Variants in CNBD1 observed in about 807,000 individuals in gnomAD.
CNBD1 encodes the protein cyclic nucleotide binding domain containing 1, also known as cyclic nucleotide-binding domain-containing protein 1.
Under a neutral mutation model 54.4 loss-of-function variants are expected in CNBD1, and 71 were observed. That is an observed-to-expected ratio of 1.30 (90% confidence interval 1.08 to 1.59). CNBD1 has a LOEUF of 1.59. Among genes scored for constraint, CNBD1 ranks in the 40% most tolerant of loss-of-function variants. The pLI is 0.00. For missense variants in CNBD1, 659 were observed against 518.0 expected, an observed-to-expected ratio of 1.27 and a Z score of -2.64; for synonymous variants, 182 against 170.7, an observed-to-expected ratio of 1.07 and a Z score of -0.51.
intron 4 of CNBD1, among the ~76,000 whole-genome samples, chr8:87,081,181 A>G (rs969610942): frequency 1.3e-5 from 2 of 151,686 alleles, no homozygotes; most frequent in African/African-American, 4.8e-5. Flanking sequence ...GCTTCATCCT[A>G]TTGTTTTTGA....
intron 1 of CNBD1, among the ~76,000 whole-genome samples, chr8:86,872,987 T>C (rs1808461856): frequency 2.0e-5 from 3 of 152,132 alleles, no homozygotes; most frequent in African/African-American, 7.2e-5. Context: ...GGCAGGAGGA[T>C]CGCTTGAGCC....
In CNBD1 at chr8:87,237,016, C is replaced by T. The variant is rs767341880; in HGVS notation, c.675C>T (p.Asp225=). 4 of 1,611,894 alleles carry T rather than the reference C, an allele frequency of 2.5e-6. No individual in the cohort carries two copies. The highest frequency in any genetic ancestry group is 3.4e-6 in the Non-Finnish European group (4 of 1,178,334). Residue 225 remains aspartate (D), a synonymous_variant, in exon 6 of 11, where the codon GAC becomes GAT. Transcript: ENST00000518476. ...TGATTGAAGGAAGTGATTCACCAGA[C>T]TCGTTCATATCTCAGAGTTTCCACA... is the stretch of plus-strand genomic sequence containing the variant. The part of the protein sequence containing the change: ...KNLIEGSDSP[D]SFISQSFHSF...
At chr8:87,087,813 C>T in intron 4 of CNBD1, among the ~76,000 whole-genome samples, 1 of 152,086 alleles carries the variant, frequency 6.6e-6, no homozygotes, top group South Asian at 2.1e-4. Flanking sequence ...TTGGAATTAC[C>T]TGAGAGATCA....
At chr8:86,883,199 T>G (rs1808630153) in intron 1 of CNBD1, among the ~76,000 whole-genome samples, 2 of 151,804 alleles carry the variant, frequency 1.3e-5, no homozygotes, top group South Asian at 4.2e-4. Context: ...AAAAAATAGA[T>G]TGGTGACAAA....
At chr8:87,298,343 G>A (rs923417400) in intron 8 of CNBD1, among the ~76,000 whole-genome samples, 1 of 152,022 alleles carries the variant, frequency 6.6e-6, no homozygotes, top group Non-Finnish European at 1.5e-5. Flanking sequence ...CCAGGGCAAA[G>A]CGCGATGGAA....
At chr8:87,081,650 C>T (rs1017260846) in intron 4 of CNBD1, among the ~76,000 whole-genome samples, 11 of 151,554 alleles carry the variant, frequency 7.3e-5, no homozygotes, top group Admixed American at 1.3e-4. Flanking sequence ...GGATAACAGG[C>T]GCGCCACCAC....
chr8:87,005,965 C>A (rs185508219), intron 4 of CNBD1, among the ~76,000 whole-genome samples: 68 of 152,208 alleles, frequency 4.5e-4, no homozygotes, highest in Admixed American at 1.0e-3. Flanking sequence ...ATTTGTATCT[C>A]AGGGGGCAGA....
chr8:87,069,184 T>C (rs1231609774), intron 4 of CNBD1, among the ~76,000 whole-genome samples: 1 of 152,080 alleles, frequency 6.6e-6, no homozygotes, highest in Non-Finnish European at 1.5e-5. Context: ...TTTGGTATTA[T>C]TTCATCATTT....
chr8:87,280,721 T>C (rs1475188944), intron 6 of CNBD1, among the ~76,000 whole-genome samples: 1 of 151,558 alleles, frequency 6.6e-6, no homozygotes, highest in East Asian at 1.9e-4. Context: ...CTCAACATTA[T>C]GACTTTATTC....
Position 86,930,043 on chromosome 8 carries a change from T to C in CNBD1, c.273-9553T>C, listed in dbSNP as rs1196651522. Among the ~76,000 whole-genome samples the C allele has an allele frequency of 3.9e-5, 6 of 152,272 alleles. No homozygotes were observed. The East Asian group carries it at 9.7e-4, about 25-fold the overall frequency. On this transcript the variant is annotated intron_variant, in intron 3 of 10. Coordinates refer to ENST00000518476, the MANE Select transcript of CNBD1 (RefSeq NM_173538.3). ...TTTAAGGTTTTGAAGGCTGTTTCCA[T>C]CTCTGGTTCCCATTCTCCTAGATGA... is the stretch of plus-strand genomic sequence containing the variant.
intron 4 of CNBD1, among the ~76,000 whole-genome samples, chr8:87,098,808 C>T (rs948348535): frequency 2.7e-5 from 4 of 150,392 alleles, no homozygotes; most frequent in Admixed American, 6.6e-5. Context: ...GAGGCCGAGG[C>T]GGGTGGATCA....
At chr8:87,320,663 A>AAT (rs914605749) in intron 8 of CNBD1, among the ~76,000 whole-genome samples, 2 of 152,004 alleles carry the variant, frequency 1.3e-5, no homozygotes, top group Non-Finnish European at 2.9e-5. Context: ...AGTCACAAAA[A>AAT]ATACAGTAAC....
intron 8 of CNBD1, among the ~76,000 whole-genome samples, chr8:87,338,017 A>G (rs1177123938): frequency 6.6e-6 from 1 of 152,090 alleles, no homozygotes; most frequent in African/African-American, 2.4e-5. Flanking sequence ...ATTATTTTAT[A>G]TGATTTAATT....
At chr8:87,216,428 C>T (rs1814213261) in intron 5 of CNBD1, among the ~76,000 whole-genome samples, 1 of 152,062 alleles carries the variant, frequency 6.6e-6, no homozygotes, top group African/African-American at 2.4e-5. Flanking sequence ...TATAATTTAC[C>T]TGTGTTTTCC....
At chr8:87,281,074 A>G (rs1413833471) in intron 6 of CNBD1, among the ~76,000 whole-genome samples, 1 of 151,642 alleles carries the variant, frequency 6.6e-6, no homozygotes, top group African/African-American at 2.4e-5. Flanking sequence ...AATACAGAAT[A>G]TAAAGTAGAC....
intron 4 of CNBD1, among the ~76,000 whole-genome samples, chr8:87,005,734 G>A (rs1365791148): frequency 6.6e-6 from 1 of 152,058 alleles, no homozygotes; most frequent in East Asian, 1.9e-4. Flanking sequence ...AAAAGTAGGA[G>A]AGTTTTTAAG....
At chr8:87,134,035 C>T (rs1812175079) in intron 4 of CNBD1, among the ~76,000 whole-genome samples, 1 of 152,122 alleles carries the variant, frequency 6.6e-6, no homozygotes, top group South Asian at 2.1e-4. Flanking sequence ...CCAAACATTA[C>T]AGTGTTTGAA....
At chr8:87,119,930 A>G (rs1811857109) in intron 4 of CNBD1, among the ~76,000 whole-genome samples, 1 of 151,988 alleles carries the variant, frequency 6.6e-6, no homozygotes, top group Non-Finnish European at 1.5e-5. Context: ...CATAAATACC[A>G]CCTGATTATG....
chr8:86,961,189 C>G (rs568594288), intron 4 of CNBD1, among the ~76,000 whole-genome samples: 8 of 152,292 alleles, frequency 5.3e-5, no homozygotes, highest in Admixed American at 1.3e-4. Context: ...GATCCAATAG[C>G]TTGGAACCCT....
Sources: allele counts gnomAD v4.1 joint callset (sites outside exome capture counted in the v4.1 genomes callset), GRCh38; gene constraint gnomAD v4.1.1; transcripts MANE v1.5; gene names NCBI Gene and HGNC (gene_info 2026-07-23, HGNC 2026-07-21).